GAK: variants seen among roughly 807,000 people sequenced by gnomAD.
The protein encoded by GAK is cyclin-G-associated kinase.
GAK carries 79 observed loss-of-function variants against 143.9 expected under a neutral mutation model. The observed-to-expected ratio is 0.55, with a 90% confidence interval of 0.46 to 0.66. The LOEUF (loss-of-function observed/expected upper bound fraction) is 0.66, where lower values mean the gene tolerates loss of function less well. Among genes scored for constraint, GAK ranks in the 30% least tolerant of loss-of-function variants. The pLI is 0.00. For missense variants in GAK, 1,693 were observed against 1,779.7 expected, an observed-to-expected ratio of 0.95 and a Z score of 0.88; for synonymous variants, 881 against 765.5, an observed-to-expected ratio of 1.15 and a Z score of -2.49.
At position 849,894 on chromosome 4, in the gene GAK, T is replaced by C. The variant is rs1303208640; in HGVS notation, c.3832A>G (p.Lys1278Glu). The change falls in exon 27 of 28, where the codon AAG becomes GAG. Residue 1278 changes from lysine to glutamate, a missense_variant and splice_region_variant. By Grantham distance (56) the Lys-to-Glu change is moderately conservative. Transcript: ENST00000314167. ...GGCCGCCTGGCAGCTCTGCTCACCT[T>C]GTCGGGGTGCACAGCCAGCACCGCG... Reference protein sequence around the residue: ...RRAVLAVHPDKAAGQPYEQHA... With the variant: ...RRAVLAVHPDEAAGQPYEQHA... 2 of 1,562,576 alleles carry C rather than the reference T, an allele frequency of 1.3e-6. No homozygotes were observed. The highest frequency in any genetic ancestry group is 1.7e-6 in the Non-Finnish European group (2 of 1,154,214).
chr4:902,530 G>A (rs370485917), intron 5 of GAK, among the ~76,000 whole-genome samples: 13 of 143,510 alleles, frequency 9.1e-5, no homozygotes, highest in South Asian at 4.5e-4. Flanking sequence ...GGGCCAAGTC[G>A]GCCGAGGCGG....
intron 16 of GAK, 39 bp downstream of exon 16, chr4:877,576 G>A: frequency 6.5e-7 from 1 of 1,529,014 alleles, no homozygotes; most frequent in Non-Finnish European, 8.8e-7. Flanking sequence ...GGAGGGGTGA[G>A]GAGGAGGGAG....
rs1195918510 is a variant in GAK, at chr4:889,897, C to A, written c.1081+635G>T. Among the ~76,000 whole-genome samples, 3 of 152,320 alleles carry A rather than the reference C, an allele frequency of 2.0e-5. No homozygotes were observed. The East Asian group carries it at 5.8e-4, about 29-fold the overall frequency. On this transcript the variant is annotated intron_variant, in intron 10 of 27. Coordinates refer to ENST00000314167, the MANE Select transcript of GAK (RefSeq NM_005255.4). ...CCAGCTGAGGGCCCTCCAGGGACACCCAGGCCCATCACAGGTGCCCACTCC... is the reference window on the plus strand; with the variant it reads ...CCAGCTGAGGGCCCTCCAGGGACACACAGGCCCATCACAGGTGCCCACTCC...
intron 21 of GAK, 151 bp from the exon 22 acceptor site, chr4:866,685 C>T: frequency 1.2e-6 from 1 of 835,904 alleles, no homozygotes; most frequent in Non-Finnish European, 1.8e-6. Flanking sequence ...GGCAGTCAGC[C>T]CAGGGGCTCC....
intron 24 of GAK, among the ~76,000 whole-genome samples, chr4:854,871 C>CAG: frequency 6.6e-6 from 1 of 152,300 alleles, no homozygotes; most frequent in South Asian, 2.1e-4. Context: ...CGGTGAAACC[C>CAG]CATCTCTACT....
intron 1 of GAK, among the ~76,000 whole-genome samples, chr4:928,096 C>T (rs536842892): frequency 2.0e-5 from 3 of 152,326 alleles, no homozygotes; most frequent in Admixed American, 1.3e-4. Context: ...CTCGCTCTGT[C>T]GTCCAGGCTG....
At position 895,950 on chromosome 4, in the gene GAK, A is replaced by G. The variant is rs77039466; in HGVS notation, c.741+510T>C. On this transcript the variant is annotated intron_variant, in intron 7 of 27. Transcript: ENST00000314167. ...ACAGGACGCCCCCAACTGCTACTCGACTCATCCCTATTAGAAGTAGTCAAG... is the reference window on the plus strand; with the variant it reads ...ACAGGACGCCCCCAACTGCTACTCGGCTCATCCCTATTAGAAGTAGTCAAG... 1.7e-3 allele frequency among the ~76,000 whole-genome samples: 254 copies of G among 152,168 alleles called. 1 individual carries two copies. The highest frequency in any genetic ancestry group is 5.6e-3 in the African/African-American group (234 of 41,530).
chr4:892,670 G>A (rs901054300), intron 9 of GAK, among the ~76,000 whole-genome samples: 19 of 152,140 alleles, frequency 1.2e-4, no homozygotes, highest in Admixed American at 9.8e-4. Context: ...CAACCAGGAC[G>A]CCCAGAGCTG....
chr4:860,753 G>A lies in GAK; in HGVS notation c.3167-1031C>T, dbSNP rs539440039. ...CTGGCGCACCTCGCACTGTGCACTCGAGGGGACGGGCACCCAGGCCCTGGC... is the reference window on the plus strand; with the variant it reads ...CTGGCGCACCTCGCACTGTGCACTCAAGGGGACGGGCACCCAGGCCCTGGC... On this transcript the variant is annotated intron_variant, in intron 23 of 27. Coordinates refer to ENST00000314167, the MANE Select transcript of GAK (RefSeq NM_005255.4). Among the ~76,000 whole-genome samples the A allele has an allele frequency of 1.4e-4, 20 of 147,658 alleles. No homozygotes were observed. The South Asian group carries it at 2.3e-3, about 17-fold the overall frequency.
chr4:849,677 AAG>A lies in GAK; in HGVS notation c.3930_3931del (p.Phe1311LeufsTer26). The A allele has an allele frequency of 1.2e-6, 2 of 1,610,998 alleles. No individual in the cohort carries two copies. The highest frequency in any genetic ancestry group is 1.7e-6 in the Non-Finnish European group (2 of 1,178,074). The stretch of plus-strand genomic sequence containing the variant: ...GCAGCCACCACCACTGCGGCCTCAG[AAG>A]AGGGGCCGGGAGCCCTGGTTCTCAA... On this transcript the variant is annotated frameshift_variant, in exon 28 of 28. Coordinates refer to ENST00000314167, the MANE Select transcript of GAK (RefSeq NM_005255.4). LOFTEE classifies it high-confidence loss of function.
intron 15 of GAK, among the ~76,000 whole-genome samples, chr4:879,308 T>C (rs529107631): frequency 6.6e-6 from 1 of 152,352 alleles, no homozygotes; most frequent in African/African-American, 2.4e-5. Flanking sequence ...TGCCTGTCTT[T>C]TAAACAAAAC....
At chr4:890,946 A>ATT (rs35262185) in intron 9 of GAK, among the ~76,000 whole-genome samples, 39 of 131,974 alleles carry the variant, frequency 3.0e-4, no homozygotes, top group African/African-American at 4.2e-4. Flanking sequence ...TCCAACCAAC[A>ATT]TTTTTTTTTT....
In GAK at chr4:860,159, T is replaced by C. The variant is rs79691140; in HGVS notation, c.3167-437A>G. Among the ~76,000 whole-genome samples the C allele has an allele frequency of 1.6e-4, 24 of 151,850 alleles. No homozygotes were observed. In the East Asian group the frequency reaches 4.3e-3, roughly 27 times the overall value. The stretch of plus-strand genomic sequence containing the variant: ...TAAAAAAATCATCCAGGCACGGTGG[T>C]TCATGCATGTGGTCCCAGCTACCCA... On this transcript the variant is annotated intron_variant, in intron 23 of 27. Transcript: ENST00000314167.
chr4:856,601 G>GCTGCTCACCACAGGAGCTCACAC (rs1749307896), intron 24 of GAK, among the ~76,000 whole-genome samples: 1 of 99,050 alleles, frequency 1.0e-5, no homozygotes, highest in African/African-American at 4.5e-5. Flanking sequence ...GGTGCTCACA[G>GCTGCTCACCACAGGAGCTCACAC]CTGCTCACCA....
intron 23 of GAK, 69 bp from the exon 24 acceptor site, chr4:859,791 G>A (rs1749957662): frequency 6.2e-6 from 7 of 1,123,746 alleles, no homozygotes; most frequent in African/African-American, 1.6e-5. Context: ...TGGGACCTCC[G>A]ATGGCGCCTC....
In GAK at chr4:932,104, G is replaced by A. The variant is rs759940259; in HGVS notation, c.84C>T (p.Phe28=). 53 of 1,601,780 alleles carry A rather than the reference G, an allele frequency of 3.3e-5. 1 individual carries two copies. The highest frequency in any genetic ancestry group is 3.3e-5 in the South Asian group (3 of 89,826). The change falls in exon 1 of 28, where the codon TTC becomes TTT. Residue 28 remains phenylalanine, a synonymous_variant. Coordinates refer to ENST00000314167, the MANE Select transcript of GAK (RefSeq NM_005255.4). The surrounding 1 kb of genome is among the most constrained non-coding windows in gnomAD (Gnocchi z 4.0). ...GGASGRDQSD[F]VGQTVELGEL... is the part of the protein sequence containing the mutation. ...CGCCCAGTTCCACCGTCTGCCCCAC[G>A]AAGTCACTCTGGTCGCGGCCGGAAG...
chr4:920,547 T>A (rs1167015751), intron 1 of GAK, among the ~76,000 whole-genome samples: 1 of 146,542 alleles, frequency 6.8e-6, no homozygotes, highest in Non-Finnish European at 1.5e-5. Flanking sequence ...CCATTTTTTT[T>A]TTTTTTTTTT....
At chr4:923,962 G>A (rs1213752373) in intron 1 of GAK, among the ~76,000 whole-genome samples, 1 of 152,070 alleles carries the variant, frequency 6.6e-6, no homozygotes, top group Non-Finnish European at 1.5e-5. Context: ...AGGCCGGCGG[G>A]TGACCTGAGG....
intron 5 of GAK, among the ~76,000 whole-genome samples, chr4:898,866 A>G: frequency 6.6e-6 from 1 of 152,186 alleles, no homozygotes. Context: ...CCGACTCAAA[A>G]AAAAAAAAGT....
Sources: allele counts gnomAD v4.1 joint callset (sites outside exome capture counted in the v4.1 genomes callset), GRCh38; gene constraint gnomAD v4.1.1; non-coding constraint Gnocchi (gnomAD v3.1); transcripts MANE v1.5; gene names NCBI Gene and HGNC (gene_info 2026-07-23, HGNC 2026-07-21).